The following ADA2 variants were observed in gnomAD, a reference collection of about 807,000 sequenced individuals.
ADA2 encodes adenosine deaminase CECR1.
A neutral mutation model predicts 44.2 loss-of-function variants in ADA2; 29 were observed. That is an observed-to-expected ratio of 0.66 (90% confidence interval 0.49 to 0.89). The LOEUF (loss-of-function observed/expected upper bound fraction) is 0.89, where lower values mean the gene tolerates loss of function less well. ADA2 is among the 40% of genes least tolerant of loss of function. ADA2 has a pLI of 0.00. For synonymous variants in ADA2, 215 were observed against 234.9 expected (o/e 0.92, Z 0.77); for missense variants, 637 against 644.8 (o/e 0.99, Z 0.13).
At chr22:17,184,531 A>G (rs2062013253) in intron 7 of ADA2, among the ~76,000 whole-genome samples, 1 of 152,174 alleles carries the variant, frequency 6.6e-6, no homozygotes, top group African/African-American at 2.4e-5. Flanking sequence ...CATAGCACAG[A>G]TTGCTTCTTA....
chr22:17,187,747 T>C (rs2062053360), intron 7 of ADA2, among the ~76,000 whole-genome samples: 1 of 151,694 alleles, frequency 6.6e-6, no homozygotes. Context: ...TGGACCACTG[T>C]GTTTGGAGCC....
chr22:17,218,238 A>G (rs2062491609), intron 1 of ADA2, among the ~76,000 whole-genome samples: 1 of 152,246 alleles, frequency 6.6e-6, no homozygotes, highest in Non-Finnish European at 1.5e-5. Context: ...GTGCAAGGAT[A>G]TGACAAAAAT....
intron 4 of ADA2, among the ~76,000 whole-genome samples, chr22:17,194,720 C>T (rs1247442594): frequency 2.0e-5 from 3 of 151,822 alleles, no homozygotes; most frequent in East Asian, 1.9e-4. Context: ...GCTGCCAGAG[C>T]GTGCCAGAAG....
At chr22:17,207,923 C>T (rs1271455621) in intron 2 of ADA2, among the ~76,000 whole-genome samples, 1 of 152,120 alleles carries the variant, frequency 6.6e-6, no homozygotes, top group Non-Finnish European at 1.5e-5. Context: ...GTTGAATCCC[C>T]ATGCTTGTCC....
chr22:17,181,788 G>A, intron 9 of ADA2, 32 bp downstream of exon 9: 2 of 1,578,208 alleles, frequency 1.3e-6, no homozygotes, highest in South Asian at 1.1e-5. Context: ...CTGGAAGGAG[G>A]CGGGGGACCT....
At chr22:17,215,605 CA>C (rs759504282) in intron 1 of ADA2, among the ~76,000 whole-genome samples, 7,975 of 124,224 alleles carry the variant, frequency 0.064, 241 homozygotes, top group East Asian at 0.14. Flanking sequence ...GACTCCGTCT[CA>C]AAAAAAAAAA....
chr22:17,214,196 C>CA, intron 1 of ADA2: 1 of 586,944 alleles, frequency 1.7e-6, no homozygotes. Context: ...CGAGGGTTGG[C>CA]AAAAGGCCAT....
chr22:17,209,618 T>G lies in ADA2; in HGVS notation c.60A>C (p.Ala20=). The change falls in exon 2 of 10, where the codon GCA becomes GCC. Residue 20 remains alanine, a synonymous_variant. Transcript: ENST00000399837. ...PALCFLLLAV[A]MSFFGSALSI... ...ATAGAGCTGAGCCGAAGAAAGACAT[T>G]GCCACAGCCAACAGCAAGAAGCACA... The G allele has an allele frequency of 2.5e-6, 4 of 1,614,014 alleles. No homozygotes were observed. The highest frequency in any genetic ancestry group is 3.4e-6 in the Non-Finnish European group (4 of 1,180,038).
intron 6 of ADA2, chr22:17,188,868 A>AAAAAAAAAAAAAAAAAAAAT: frequency 7.4e-5 from 6 of 81,172 alleles, no homozygotes; most frequent in African/African-American, 1.3e-4. Flanking sequence ...AAGAGCAAAA[A>AAAAAAAAAAAAAAAAAAAAT]ATATATATAT....
chr22:17,199,450 C>CCTCTATCCTCTTCCCCTCCAA, intron 4 of ADA2: 2 of 462,226 alleles, frequency 4.3e-6, no homozygotes, highest in Non-Finnish European at 6.6e-6. Flanking sequence ...TTCCCCTCCA[C>CCTCTATCCTCTTCCCCTCCAA]CCACGAAGAT....
At chr22:17,208,417 C>G (rs2062378288) in intron 2 of ADA2, among the ~76,000 whole-genome samples, 1 of 141,566 alleles carries the variant, frequency 7.1e-6, no homozygotes, top group Non-Finnish European at 1.5e-5. Context: ...GAACAAGACT[C>G]CGTCTCAAAA....
intron 1 of ADA2, among the ~76,000 whole-genome samples, chr22:17,211,133 G>A (rs1482987119): frequency 6.6e-6 from 1 of 152,048 alleles, no homozygotes; most frequent in Non-Finnish European, 1.5e-5. Context: ...AGGCCGAGGC[G>A]GGTGGATCAC....
At chr22:17,219,186 C>T (rs2062501316) in intron 1 of ADA2, among the ~76,000 whole-genome samples, 170 bp downstream of exon 1, 1 of 152,174 alleles carries the variant, frequency 6.6e-6, no homozygotes, top group Non-Finnish European at 1.5e-5. Flanking sequence ...TGCCCTTGGG[C>T]CCATTTTCAA....
rs1028869727 is a variant in ADA2 at position 17,207,173 on chromosome 22, C to A, written c.440G>T (p.Arg147Ile). ...CFTPRGIMQF[R>I]FAHPTPRPSE... ...TGGACGGGGAGTTGGGTGAGCAAAT[C>A]TGAACTGCATGATCCCCCTTGGGGT... The change falls in exon 3 of 10, where the codon AGA becomes ATA. Residue 147 changes from arginine to isoleucine, a missense_variant. Coordinates refer to ENST00000399837, the MANE Select transcript of ADA2 (RefSeq NM_001282225.2). The A allele has an allele frequency of 6.2e-7, 1 of 1,614,216 alleles. No homozygotes were observed. The highest frequency in any genetic ancestry group is 1.3e-5 in the African/African-American group (1 of 75,062).
At chr22:17,207,331 T>G in intron 2 of ADA2, 41 bp from the exon 3 acceptor site, 3 of 1,463,264 alleles carry the variant, frequency 2.1e-6, no homozygotes, top group Non-Finnish European at 2.9e-6. Flanking sequence ...AGGGGTGAAG[T>G]CCCATCCCAG....
In ADA2 at chr22:17,182,647, C is replaced by T. The variant is rs1568966771; in HGVS notation, c.1196G>A (p.Trp399Ter). Reference protein sequence around the residue: ...SKHPAVRTYSWKKDIPIEVCP... With the variant: ...SKHPAVRTYS ...GACTTCTATGGGGATGTCCTTTTTCCAGGAGTAAGTCCTGACTGCGGGGTG... is the reference window on the plus strand; with the variant it reads ...GACTTCTATGGGGATGTCCTTTTTCTAGGAGTAAGTCCTGACTGCGGGGTG... Residue 399 changes from tryptophan to a stop codon, truncating the protein, a stop_gained, in exon 8 of 10, where the codon TGG becomes TAG. Transcript: ENST00000399837. LOFTEE classifies it high-confidence loss of function. 2 of 1,613,994 alleles carry T rather than the reference C, an allele frequency of 1.2e-6. No homozygotes were observed. The highest frequency in any genetic ancestry group is 1.3e-5 in the African/African-American group (1 of 74,894).
At chr22:17,196,323 C>CAA (rs34561761) in intron 4 of ADA2, among the ~76,000 whole-genome samples, 113 of 86,766 alleles carry the variant, frequency 1.3e-3, no homozygotes, top group East Asian at 6.3e-3. Context: ...AACTCCATCC[C>CAA]AAAAAAAAAA....
At chr22:17,198,075 A>T (rs2062216714) in intron 4 of ADA2, among the ~76,000 whole-genome samples, 1 of 151,568 alleles carries the variant, frequency 6.6e-6, no homozygotes, top group South Asian at 2.1e-4. Context: ...GAAACTCAGT[A>T]CCCCTGCATA....
rs750384809 is a variant in ADA2 at position 17,191,691 on chromosome 22, C to T, written c.873G>A (p.Ser291=). Residue 291 remains serine, a synonymous_variant, in exon 5 of 10, where the codon TCG becomes TCA. Coordinates refer to ENST00000399837, the MANE Select transcript of ADA2 (RefSeq NM_001282225.2). ...PEFIGIKIIY[S]DHRSKDVAVI... ...GCAATATTCTCTCTCACCTGTGATC[C>T]GAATAAATGATTTTGATTCCAATAA... is the stretch of plus-strand genomic sequence containing the variant. The T allele has an allele frequency of 6.8e-6, 11 of 1,613,874 alleles. No individual in the cohort carries two copies. Among genetic ancestry groups the T allele is most frequent in the East Asian group, 2.2e-5 (1 of 44,868 alleles).
Sources: allele counts gnomAD v4.1 joint callset (sites outside exome capture counted in the v4.1 genomes callset), GRCh38; gene constraint gnomAD v4.1.1; transcripts MANE v1.5; gene names NCBI Gene and HGNC (gene_info 2026-07-23, HGNC 2026-07-21).